Variants in SEMA4F observed in about 807,000 individuals in gnomAD.
SEMA4F encodes the protein ssemaphorin 4F.
In SEMA4F, 51 loss-of-function variants were observed where a neutral mutation model predicts 78.4. The ratio of observed to expected loss-of-function variants is 0.65; its 90% CI spans 0.52 to 0.82. SEMA4F has a LOEUF of 0.82. Ranked by LOEUF, SEMA4F falls within the 40% of genes least tolerant of loss-of-function variation. The pLI is 0.00. For missense variants in SEMA4F, 938 were observed against 1,014.4 expected, an observed-to-expected ratio of 0.92 and a Z score of 1.02; for synonymous variants, 418 against 408.7, an observed-to-expected ratio of 1.02 and a Z score of -0.27.
chr2:74,696,115 A>C, the SEMA4F span, among the ~76,000 whole-genome samples: 1 of 152,004 alleles, frequency 6.6e-6, no homozygotes, highest in African/African-American at 2.4e-5. Context: ...TCTTTTTTGC[A>C]AAGTTAAAAT....
At chr2:74,655,742 T>G (rs1483009888) in intron 1 of SEMA4F, among the ~76,000 whole-genome samples, 1 of 152,086 alleles carries the variant, frequency 6.6e-6, no homozygotes, top group Non-Finnish European at 1.5e-5. Flanking sequence ...GATCCAGGGC[T>G]TATACTAAGC....
the SEMA4F span, among the ~76,000 whole-genome samples, chr2:74,707,303 C>T: frequency 6.6e-6 from 1 of 152,146 alleles, no homozygotes; most frequent in South Asian, 2.1e-4. Context: ...TGTCAGCAAC[C>T]TATTCTTAAA....
chr2:74,656,545 T>A lies in SEMA4F; in HGVS notation c.157T>A (p.Cys53Ser). ...TCTCTTCCTGCCAGAGGCTGACTCC[T>A]GTCTCACCCGGTTCGCAGTCCCTCA... ...TSLPISEADSCLTRFAVPHTY... is the reference protein window; with the variant it reads ...TSLPISEADSSLTRFAVPHTY... The change falls in exon 2 of 14, where the codon TGT (cysteine) becomes AGT (serine). Residue 53 changes from cysteine to serine, a missense_variant. Transcript: ENST00000357877. 6.2e-7 allele frequency: 1 copy of A among 1,613,920 alleles called. No homozygotes were observed. The highest frequency in any genetic ancestry group is 8.5e-7 in the Non-Finnish European group (1 of 1,179,796).
At chr2:74,706,488 CAG>C in the SEMA4F span, among the ~76,000 whole-genome samples, 1 of 151,598 alleles carries the variant, frequency 6.6e-6, no homozygotes, top group African/African-American at 2.4e-5. Context: ...GCTGCATAAT[CAG>C]GGAGTGAGAT....
downstream of SEMA4F, among the ~76,000 whole-genome samples, chr2:74,686,331 C>T (rs1022134661): frequency 6.6e-6 from 1 of 152,178 alleles, no homozygotes; most frequent in Non-Finnish European, 1.5e-5. Context: ...AATCTCCTGA[C>T]CTCGTGATCT....
chr2:74,657,258 A>G (rs1684201058), intron 2 of SEMA4F, among the ~76,000 whole-genome samples: 1 of 152,262 alleles, frequency 6.6e-6, no homozygotes, highest in African/African-American at 2.4e-5. Flanking sequence ...AGGGATGCTC[A>G]GTGTATACTG....
the SEMA4F span, among the ~76,000 whole-genome samples, chr2:74,697,453 G>A: frequency 1.3e-5 from 2 of 152,218 alleles, no homozygotes; most frequent in Non-Finnish European, 2.9e-5. Flanking sequence ...TCCTGGAGAA[G>A]TGAGGGGGCA....
At position 74,654,496 on chromosome 2, in the gene SEMA4F, G is replaced by A. The variant is rs1282844898; in HGVS notation, c.120G>A (p.Val40=). ...GPVSGRVPRS[V]PRTSLPISEA... ...TATCCGGCCGCGTCCCCCGCTCGGT[G>A]CCCAGAACCTCGCTTCCAATCTCTG... Residue 40 remains valine (V), a synonymous_variant, in exon 1 of 14, where the codon GTG becomes GTA. Coordinates refer to ENST00000357877, the MANE Select transcript of SEMA4F (RefSeq NM_004263.5). The A allele has an allele frequency of 1.1e-5, 18 of 1,573,842 alleles. No homozygotes were observed. The highest frequency in any genetic ancestry group is 1.5e-5 in the Non-Finnish European group (18 of 1,164,138).
At position 74,682,338 on chromosome 2, in the gene SEMA4F, C is replaced by T. The variant is rs929385907; in HGVS notation, c.*2129C>T. ...GGCTGAGGCAGGAGAATGGCGTGAA[C>T]CCGGGAGGTGGAGTTTGCAGTGAGC... is the stretch of plus-strand genomic sequence containing the variant. On this transcript the variant is annotated 3_prime_UTR_variant, in exon 14 of 14. Coordinates refer to ENST00000357877, the MANE Select transcript of SEMA4F (RefSeq NM_004263.5). 12 of 151,962 alleles carry T rather than the reference C, an allele frequency of 7.9e-5. No homozygotes were observed. The highest frequency in any genetic ancestry group is 2.9e-4 in the African/African-American group (12 of 41,350). The allele number at this position is 151,962 out of a possible 1,614,324, so 9.4% of individuals were successfully genotyped here.
At chr2:74,656,753 G>A in intron 2 of SEMA4F, 68 bp downstream of exon 2, 1 of 1,518,292 alleles carries the variant, frequency 6.6e-7, no homozygotes. Flanking sequence ...TTTTATGAGT[G>A]TGTGTGGGGG....
At position 74,654,289 on chromosome 2, in the gene SEMA4F, G is replaced by A; in HGVS notation, c.-88G>A. 2.2e-6 allele frequency: 3 copies of A among 1,347,568 alleles called. No homozygotes were observed. The highest frequency in any genetic ancestry group is 1.9e-6 in the Non-Finnish European group (2 of 1,050,344). The allele number at this position is 1,347,568 out of a possible 1,614,324, so 83.5% of individuals were successfully genotyped here. A position where few individuals can be genotyped will look rare whatever the true frequency, so the allele number is the denominator to read the frequency against. Reference sequence around the variant, plus strand: ...CAGGCTGAGCCGGACCGAGCCGAGAGGACCCGAGTGGGGCCGAGGCCAGTA... The same window carrying A: ...CAGGCTGAGCCGGACCGAGCCGAGAAGACCCGAGTGGGGCCGAGGCCAGTA... On this transcript the variant is annotated 5_prime_UTR_variant, in exon 1 of 14. Coordinates refer to ENST00000357877, the MANE Select transcript of SEMA4F (RefSeq NM_004263.5).
chr2:74,665,470 C>A (rs1043111581), intron 5 of SEMA4F, among the ~76,000 whole-genome samples: 2 of 152,070 alleles, frequency 1.3e-5, no homozygotes, highest in Non-Finnish European at 2.9e-5. Flanking sequence ...ACCTCGTGAT[C>A]TGCCCACCTC....
intron 4 of SEMA4F, among the ~76,000 whole-genome samples, chr2:74,659,154 C>G (rs1350817156): frequency 6.6e-6 from 1 of 152,190 alleles, no homozygotes; most frequent in Non-Finnish European, 1.5e-5. Flanking sequence ...TGGTGAAAAT[C>G]TCTGTATTCC....
the SEMA4F span, among the ~76,000 whole-genome samples, chr2:74,701,721 A>C: frequency 6.6e-6 from 1 of 152,202 alleles, no homozygotes; most frequent in African/African-American, 2.4e-5. Flanking sequence ...AAGAAATGAA[A>C]TTGGAGGATT....
At chr2:74,657,831 T>C in intron 3 of SEMA4F, 22 bp from the exon 4 acceptor site, 1 of 1,607,510 alleles carries the variant, frequency 6.2e-7, no homozygotes. Context: ...TCTGATTCTT[T>C]CTAACCGTCT....
intron 12 of SEMA4F, 93 bp downstream of exon 12, chr2:74,676,002 G>A (rs773646697): frequency 2.2e-5 from 31 of 1,398,378 alleles, no homozygotes; most frequent in Non-Finnish European, 2.8e-5. Context: ...CTGCCCTGCC[G>A]GAGGCTGTTT....
At chr2:74,702,343 C>G in the SEMA4F span, among the ~76,000 whole-genome samples, 3 of 152,142 alleles carry the variant, frequency 2.0e-5, no homozygotes, top group Admixed American at 2.0e-4. Flanking sequence ...GCAGTCATCT[C>G]CATTCAGTTC....
At position 74,654,505 on chromosome 2, in the gene SEMA4F, C is replaced by A; in HGVS notation, c.129C>A (p.Thr43=). The change falls in exon 1 of 14, where the codon ACC becomes ACA. Residue 43 remains threonine (T), a synonymous_variant. Transcript: ENST00000357877. ...GCGTCCCCCGCTCGGTGCCCAGAAC[C>A]TCGCTTCCAATCTCTGGTAAGGCGC... ...SGRVPRSVPR[T]SLPISEADSC... The A allele has an allele frequency of 1.3e-6, 2 of 1,573,196 alleles. No individual in the cohort carries two copies. Among genetic ancestry groups the A allele is most frequent in the South Asian group, 2.3e-5 (2 of 86,404 alleles).
Position 74,656,589 on chromosome 2 carries a change from T to G in SEMA4F, c.201T>G (p.Val67=), listed in dbSNP as rs767313634. Reference sequence around the variant, plus strand: ...TCCCTCACACATACAATTACTCTGTTCTCCTTGTGGATCCTGCCTCCCACA... The same window carrying G: ...TCCCTCACACATACAATTACTCTGTGCTCCTTGTGGATCCTGCCTCCCACA... ...FAVPHTYNYS[V]LLVDPASHTL... is the part of the protein sequence containing the mutation. Residue 67 remains valine, a synonymous_variant, in exon 2 of 14, where the codon GTT becomes GTG. Coordinates refer to ENST00000357877, the MANE Select transcript of SEMA4F (RefSeq NM_004263.5). 6.2e-7 allele frequency: 1 copy of G among 1,614,122 alleles called. No individual in the cohort carries two copies. Among genetic ancestry groups the G allele is most frequent in the South Asian group, 1.1e-5 (1 of 91,084 alleles).
Sources: allele counts gnomAD v4.1 joint callset (sites outside exome capture counted in the v4.1 genomes callset), GRCh38; gene constraint gnomAD v4.1.1; transcripts MANE v1.5; gene names NCBI Gene and HGNC (gene_info 2026-07-23, HGNC 2026-07-21).